GPALPP1: variants seen among roughly 807,000 people sequenced by gnomAD.
GPALPP1 encodes GPALPP motifs containing 1.
A neutral mutation model predicts 38.9 loss-of-function variants in GPALPP1; 30 were observed. The observed-to-expected ratio is 0.77, with a 90% CI of 0.58 to 1.05. The LOEUF is 1.05. GPALPP1 is among the 50% of genes least tolerant of loss of function. GPALPP1 has a pLI of 0.00. For missense variants in GPALPP1, 384 were observed against 408.8 expected (o/e 0.94, Z 0.52); for synonymous variants, 120 against 139.2 (o/e 0.86, Z 0.97).
chr13:44,994,461 A>G (rs1380266303), intron 1 of GPALPP1, among the ~76,000 whole-genome samples: 2 of 152,036 alleles, frequency 1.3e-5, no homozygotes, highest in Non-Finnish European at 2.9e-5. Context: ...GCATGCCTGT[A>G]ATCCCAGCTA....
At position 45,004,284 on chromosome 13, in the gene GPALPP1, C is replaced by G; in HGVS notation, c.89-21C>G. The G allele has an allele frequency of 3.1e-6, 5 of 1,603,322 alleles. No individual in the cohort carries two copies. In the South Asian group the frequency reaches 5.6e-5, roughly 18 times the overall value. ...TTGAAACAGTAGTGGCTAGTGATGA[C>G]AAACAACAAGTGTTCTTTAGTTGCA... On this transcript the variant is annotated intron_variant, in intron 1 of 7. Transcript: ENST00000379151.
chr13:45,020,460 G>A (rs1875337137), intron 7 of GPALPP1, 32 bp downstream of exon 7: 1 of 862,332 alleles, frequency 1.2e-6, no homozygotes, highest in South Asian at 1.4e-5. Context: ...ATAGAGCCAG[G>A]TGTGATGGCT....
At chr13:45,021,463 A>T (rs1205819283) in intron 7 of GPALPP1, among the ~76,000 whole-genome samples, 2 of 152,126 alleles carry the variant, frequency 1.3e-5, no homozygotes, top group South Asian at 2.1e-4. Context: ...GACCACAAAG[A>T]ATTGAAGTTT....
chr13:45,009,784 C>T (rs1162660807), intron 4 of GPALPP1, among the ~76,000 whole-genome samples: 12 of 152,186 alleles, frequency 7.9e-5, no homozygotes, highest in Non-Finnish European at 1.8e-4. Flanking sequence ...TCATAGAACA[C>T]CCACAGTGTG....
intron 1 of GPALPP1, among the ~76,000 whole-genome samples, chr13:44,994,691 A>C (rs1433030496): frequency 6.6e-6 from 1 of 152,138 alleles, no homozygotes; most frequent in Admixed American, 6.6e-5. Flanking sequence ...GATAAACATA[A>C]AGTCACACAG....
rs1352459220 is a variant in GPALPP1, at chr13:45,004,424, G to A, written c.208G>A (p.Gly70Ser). The part of the protein sequence containing the change: ...GNQESEEDDS[G>S]PTARKQRKNQ... Reference sequence around the variant, plus strand: ...TCAAGAATCTGAAGAAGATGACAGTGGTCCAACTGCAAGGTCAGTCATTTA... The same window carrying A: ...TCAAGAATCTGAAGAAGATGACAGTAGTCCAACTGCAAGGTCAGTCATTTA... The change falls in exon 2 of 8, where the codon GGT (glycine) becomes AGT (serine). Residue 70 changes from glycine to serine, a missense_variant. Gly to Ser is a moderately conservative substitution (Grantham distance 56). Coordinates refer to ENST00000379151, the MANE Select transcript of GPALPP1 (RefSeq NM_018559.5). The A allele has an allele frequency of 1.9e-6, 3 of 1,608,744 alleles. No individual in the cohort carries two copies. Among genetic ancestry groups the A allele is most frequent in the Non-Finnish European group, 2.6e-6 (3 of 1,175,680 alleles).
In GPALPP1 at chr13:45,003,249, T is replaced by G. The variant is rs548473257; in HGVS notation, c.89-1056T>G. On this transcript the variant is annotated intron_variant, in intron 1 of 7. Transcript: ENST00000379151. ...AGAAATAATATCTCCCTTATAGGAT[T>G]GTTATCAGAATTAAATAGAATAATG... is the stretch of plus-strand genomic sequence containing the variant. Among the ~76,000 whole-genome samples, 9 of 152,336 alleles carry G rather than the reference T, an allele frequency of 5.9e-5. No homozygotes were observed. The East Asian group carries it at 1.7e-3, about 29-fold the overall frequency.
chr13:45,001,342 C>G (rs1873658692), intron 1 of GPALPP1, among the ~76,000 whole-genome samples: 1 of 152,190 alleles, frequency 6.6e-6, no homozygotes, highest in African/African-American at 2.4e-5. Context: ...TTATAAATTA[C>G]TCAGTCTCAG....
intron 5 of GPALPP1, 59 bp from the exon 6 acceptor site, chr13:45,015,373 T>G (rs753544858): frequency 1.3e-5 from 13 of 1,019,636 alleles, no homozygotes; most frequent in Non-Finnish European, 1.8e-5. Context: ...TACATATATA[T>G]GTACTCATCT....
At chr13:45,009,392 A>T (rs945100955) in intron 4 of GPALPP1, among the ~76,000 whole-genome samples, 20 of 152,324 alleles carry the variant, frequency 1.3e-4, no homozygotes, top group African/African-American at 4.6e-4. Flanking sequence ...ACAAGAGTTG[A>T]GATTTGTAGA....
chr13:45,015,609 G>A lies in GPALPP1; in HGVS notation c.705+13G>A. ...AAGGAAAGCTAAGGTGAGAGGTTTT[G>A]TTTGTTTGTTCATGTATTTCTGTTC... On this transcript the variant is annotated intron_variant, in intron 6 of 7. Coordinates refer to ENST00000379151, the MANE Select transcript of GPALPP1 (RefSeq NM_018559.5). 6.9e-7 allele frequency: 1 copy of A among 1,441,690 alleles called. No homozygotes were observed. Among genetic ancestry groups the A allele is most frequent in the Non-Finnish European group, 9.2e-7 (1 of 1,089,518 alleles). The allele number at this position is 1,441,690 out of a possible 1,614,324, so 89.3% of individuals were successfully genotyped here. A position where few individuals can be genotyped will look rare whatever the true frequency, so the allele number is the denominator to read the frequency against.
At chr13:44,990,108 C>A (rs1323448987) in intron 1 of GPALPP1, 1 of 429,930 alleles carries the variant, frequency 2.3e-6, no homozygotes, top group Non-Finnish European at 4.1e-6. Flanking sequence ...CTAGATCATA[C>A]TGCTAGCAAG....
downstream of GPALPP1, chr13:45,033,236 T>A (rs2138029438): frequency 6.6e-6 from 1 of 152,260 alleles, no homozygotes; most frequent in Middle Eastern, 3.4e-3. Context: ...TTCCATGCAG[T>A]GATAGGTATT....
chr13:45,035,580 T>C (rs1876379885), exon 8 of GPALPP1: 1 of 152,234 alleles, frequency 6.6e-6, no homozygotes, highest in African/African-American at 2.4e-5. Flanking sequence ...GTTATTTACA[T>C]TCTTTTTAAG....
At chr13:45,018,340 T>C (rs995856740) in intron 6 of GPALPP1, among the ~76,000 whole-genome samples, 1 of 150,318 alleles carries the variant, frequency 6.7e-6, no homozygotes, top group Non-Finnish European at 1.5e-5. Flanking sequence ...GAGCTTGCAG[T>C]GAGCCGAGAT....
intron 4 of GPALPP1, among the ~76,000 whole-genome samples, chr13:45,009,656 C>A (rs1240597103): frequency 6.6e-6 from 1 of 152,148 alleles, no homozygotes; most frequent in African/African-American, 2.4e-5. Flanking sequence ...TCCAGAGACT[C>A]CTGTTTATCT....
intron 7 of GPALPP1, among the ~76,000 whole-genome samples, chr13:45,024,208 T>TGTGTG (rs1566084549): frequency 1.8e-4 from 15 of 85,182 alleles, no homozygotes; most frequent in African/African-American, 4.2e-4. Context: ...TGTGTGTGTG[T>TGTGTG]TTTGAGACTG....
intron 2 of GPALPP1, 113 bp downstream of exon 2, chr13:45,004,550 G>T: frequency 1.5e-6 from 1 of 646,378 alleles, no homozygotes; most frequent in Non-Finnish European, 2.6e-6. Context: ...AGCACAGGGA[G>T]AAATCATTTT....
Position 45,003,701 on chromosome 13 carries a change from A to G in GPALPP1, c.89-604A>G, listed in dbSNP as rs187564676. Among the ~76,000 whole-genome samples, 4 of 152,316 alleles carry G rather than the reference A, an allele frequency of 2.6e-5. No individual in the cohort carries two copies. The East Asian group carries it at 7.7e-4, about 29-fold the overall frequency. On this transcript the variant is annotated intron_variant, in intron 1 of 7. Transcript: ENST00000379151. ...GCAAGTCATTCTGATAAGTGGACCT[A>G]GAAGACCCTTACCACTCTCCCTAAC...
Sources: gnomAD v4.1 joint callset for allele counts (sites outside exome capture counted in the v4.1 genomes callset) on GRCh38, gnomAD v4.1.1 for gene constraint, MANE v1.5 for transcripts, NCBI Gene and HGNC (gene_info 2026-07-23, HGNC 2026-07-21) for gene names.